The following ENTPD7 variants were observed in gnomAD, a reference collection of about 807,000 sequenced individuals.
ENTPD7 encodes the protein NTPDase 7.
Under a neutral mutation model 77.9 loss-of-function variants are expected in ENTPD7, and 53 were observed. The observed-to-expected ratio is 0.68, with a 90% CI of 0.55 to 0.85. The LOEUF is 0.85. Ranked by LOEUF, ENTPD7 falls within the 40% of genes least tolerant of loss-of-function variation. The pLI is 0.00. For synonymous variants in ENTPD7, 248 were observed against 274.9 expected (o/e 0.90, Z 0.97); for missense variants, 636 against 743.7 (o/e 0.86, Z 1.68).
Position 99,691,528 on chromosome 10 carries a change from C to G in ENTPD7, c.843+10C>G, listed in dbSNP as rs754854032. ...CCTTCCTGCAAAGCAGGTACTTTAC[C>G]TTTTAGGGAAATTTAGTTGCTAGGA... On this transcript the variant is annotated intron_variant, in intron 8 of 12. Coordinates refer to ENST00000370489, the MANE Select transcript of ENTPD7 (RefSeq NM_020354.5). 2 of 1,612,234 alleles carry G rather than the reference C, an allele frequency of 1.2e-6. No homozygotes were observed. Among genetic ancestry groups the G allele is most frequent in the Non-Finnish European group, 1.7e-6 (2 of 1,179,430 alleles).
intron 3 of ENTPD7, among the ~76,000 whole-genome samples, chr10:99,663,624 T>C (rs1032241110): frequency 8.5e-5 from 13 of 152,112 alleles, no homozygotes; most frequent in African/African-American, 2.9e-4. Context: ...CATACCTGGC[T>C]AATTTTTTTG....
intron 5 of ENTPD7, among the ~76,000 whole-genome samples, chr10:99,684,972 T>C (rs2035794292): frequency 6.6e-6 from 1 of 152,186 alleles, no homozygotes; most frequent in Non-Finnish European, 1.5e-5. Context: ...AAAAAGTTAA[T>C]TGTGGCTGGG....
At chr10:99,699,605 C>T (rs1280489872) in intron 10 of ENTPD7, among the ~76,000 whole-genome samples, 1 of 152,196 alleles carries the variant, frequency 6.6e-6, no homozygotes, top group Non-Finnish European at 1.5e-5. Context: ...CGCTCTGTAG[C>T]CCAGGCTGGA....
At chr10:99,666,858 C>T (rs2035556878) in intron 3 of ENTPD7, among the ~76,000 whole-genome samples, 1 of 152,168 alleles carries the variant, frequency 6.6e-6, no homozygotes, top group Non-Finnish European at 1.5e-5. Context: ...TGGATACTCA[C>T]GGTATACTTT....
intron 6 of ENTPD7, among the ~76,000 whole-genome samples, chr10:99,686,750 AT>A (rs759993272): frequency 1.3e-5 from 2 of 151,184 alleles, no homozygotes; most frequent in Non-Finnish European, 2.9e-5. Flanking sequence ...GTGAGTTGAG[AT>A]TTTCCTGGTT....
intron 2 of ENTPD7, chr10:99,660,523 TACGCACACAC>T: frequency 2.9e-6 from 1 of 348,880 alleles, no homozygotes; most frequent in Non-Finnish European, 5.5e-6. Context: ...AGGGAATGGA[TACGCACACAC>T]ACACACACAC....
intron 8 of ENTPD7, among the ~76,000 whole-genome samples, chr10:99,693,236 C>T (rs1022649321): frequency 6.6e-6 from 1 of 152,102 alleles, no homozygotes; most frequent in Non-Finnish European, 1.5e-5. Flanking sequence ...TGGATGAGAG[C>T]GTCTATCTGG....
intron 3 of ENTPD7, among the ~76,000 whole-genome samples, chr10:99,677,359 CTTTTTTTTTT>C (rs560338561): frequency 1.1e-5 from 1 of 93,806 alleles, no homozygotes; most frequent in Non-Finnish European, 2.0e-5. Flanking sequence ...GGGCAGATAG[CTTTTTTTTTT>C]TTTTTTTTTT....
chr10:99,661,169 GTT>G (rs2035480369), intron 2 of ENTPD7, among the ~76,000 whole-genome samples: 2 of 152,134 alleles, frequency 1.3e-5, no homozygotes, highest in Non-Finnish European at 2.9e-5. Flanking sequence ...ATGTTATGAG[GTT>G]GCCCAGGGAG....
In ENTPD7 at chr10:99,695,968, A is replaced by C. The variant is rs770452082; in HGVS notation, c.856A>C (p.Lys286Gln). The C allele has an allele frequency of 9.3e-6, 15 of 1,613,306 alleles. No homozygotes were observed. Among genetic ancestry groups the C allele is most frequent in the Non-Finnish European group, 1.1e-5 (13 of 1,179,750 alleles). The change falls in exon 9 of 13, where the codon AAG becomes CAG. Residue 286 changes from lysine (K) to glutamine (Q), a missense_variant. Lys to Gln is a moderately conservative substitution (Grantham distance 53). Transcript: ENST00000370489. ...VLPAKQEEAA[K>Q]ILLAEFNLGC... The stretch of plus-strand genomic sequence containing the variant: ...TATTGTATTATAGGAAGAAGCTGCC[A>C]AGATCCTGCTGGCTGAGTTCAACCT...
chr10:99,709,444 G>A lies in ENTPD7; in HGVS notation c.*4761G>A. ...ATTCCAGCCCCTGGGGCAATAACTTGTGAGGATTTTCCTGGTGTTACAAAA... is the reference window on the plus strand; with the variant it reads ...ATTCCAGCCCCTGGGGCAATAACTTATGAGGATTTTCCTGGTGTTACAAAA... On this transcript the variant is annotated 3_prime_UTR_variant, in exon 13 of 13. Coordinates refer to ENST00000370489, the MANE Select transcript of ENTPD7 (RefSeq NM_020354.5). 1.0e-6 allele frequency: 1 copy of A among 985,424 alleles called. No homozygotes were observed. The allele number at this position is 985,424 out of a possible 1,614,324, so 61.0% of individuals were successfully genotyped here. A position where few individuals can be genotyped will look rare whatever the true frequency, so the allele number is the denominator to read the frequency against.
chr10:99,689,421 C>G (rs1311689904), intron 7 of ENTPD7, among the ~76,000 whole-genome samples: 1 of 152,176 alleles, frequency 6.6e-6, no homozygotes, highest in Non-Finnish European at 1.5e-5. Flanking sequence ...ATTGGATCAC[C>G]TGGTAGAAAG....
At chr10:99,691,317 G>C (rs972310592) in intron 7 of ENTPD7, 68 bp from the exon 8 acceptor site, 2 of 1,533,588 alleles carry the variant, frequency 1.3e-6, no homozygotes, top group Non-Finnish European at 1.8e-6. Context: ...AGGGATTGCT[G>C]TTTTGGGGGT....
At chr10:99,695,212 G>C (rs1016185028) in intron 8 of ENTPD7, among the ~76,000 whole-genome samples, 1 of 152,058 alleles carries the variant, frequency 6.6e-6, no homozygotes. Context: ...GAACCTTAGG[G>C]CTTCTTGGAT....
chr10:99,663,315 C>T (rs1286551141), intron 3 of ENTPD7, among the ~76,000 whole-genome samples: 1 of 152,082 alleles, frequency 6.6e-6, no homozygotes, highest in Non-Finnish European at 1.5e-5. Context: ...TGCATTCTTT[C>T]TGAGATGTCT....
chr10:99,663,873 T>C (rs534782323), intron 3 of ENTPD7, among the ~76,000 whole-genome samples: 10 of 152,302 alleles, frequency 6.6e-5, no homozygotes, highest in African/African-American at 2.4e-4. Context: ...TTGTTGTTGT[T>C]CTCCCCTGCT....
chr10:99,691,327 T>C (rs891870713), intron 7 of ENTPD7, 58 bp from the exon 8 acceptor site: 2 of 1,557,990 alleles, frequency 1.3e-6, no homozygotes, highest in Non-Finnish European at 1.7e-6. Flanking sequence ...GTTTTGGGGG[T>C]TTGACTTAAT....
In ENTPD7 at chr10:99,709,631, C is replaced by G. The variant is rs537873907; in HGVS notation, c.*4948C>G. 2.0e-6 allele frequency: 2 copies of G among 985,358 alleles called. No homozygotes were observed. The highest frequency in any genetic ancestry group is 1.1e-4 in the East Asian group (1 of 8,820). 61.0% of individuals were successfully genotyped at this position (985,358 alleles called of 1,614,324 possible). A position where few individuals can be genotyped will look rare whatever the true frequency, so the allele number is the denominator to read the frequency against. On this transcript the variant is annotated 3_prime_UTR_variant, in exon 13 of 13. Coordinates refer to ENST00000370489, the MANE Select transcript of ENTPD7 (RefSeq NM_020354.5). Reference sequence around the variant, plus strand: ...GTGTTCTTGGCTCATTCTCTCATAACCTGGATCTAAGTTGGAAAGCTGTGG... The same window carrying G: ...GTGTTCTTGGCTCATTCTCTCATAAGCTGGATCTAAGTTGGAAAGCTGTGG...
At chr10:99,688,614 AAAGAGAAG>A in intron 6 of ENTPD7, 72 bp from the exon 7 acceptor site, 1 of 1,289,804 alleles carries the variant, frequency 7.8e-7, no homozygotes, top group Non-Finnish European at 1.1e-6. Flanking sequence ...GAAAAAGAGG[AAAGAGAAG>A]CCCTAAGGGA....
Sources: gnomAD v4.1 joint callset for allele counts (sites outside exome capture counted in the v4.1 genomes callset) on GRCh38, gnomAD v4.1.1 for gene constraint, MANE v1.5 for transcripts, NCBI Gene and HGNC (gene_info 2026-07-23, HGNC 2026-07-21) for gene names.